GALNT13: variants seen among roughly 807,000 people sequenced by gnomAD.
The protein encoded by GALNT13 is polypeptide N-acetylgalactosaminyltransferase 13, also known as UDP-GalNAc:polypeptide N-acetylgalactosaminyltransferase 13.
Under a neutral mutation model 64.2 loss-of-function variants are expected in GALNT13, and 28 were observed. That is an observed-to-expected ratio of 0.44 (90% confidence interval 0.32 to 0.60). The LOEUF (loss-of-function observed/expected upper bound fraction) is 0.60. Ranked by LOEUF, GALNT13 falls within the 20% of genes least tolerant of loss-of-function variation. The probability of loss-of-function intolerance (pLI) is 0.05; values close to 1 mark genes in which losing one functional copy is unlikely to be tolerated. For synonymous variants in GALNT13, 214 were observed against 224.6 expected, an observed-to-expected ratio of 0.95 and a Z score of 0.42; for missense variants, 577 against 669.8, an observed-to-expected ratio of 0.86 and a Z score of 1.53.
chr2:153,140,794 A>G, the GALNT13 span, among the ~76,000 whole-genome samples: 1 of 152,114 alleles, frequency 6.6e-6, no homozygotes, highest in Admixed American at 6.6e-5. Flanking sequence ...CACCGAAAGA[A>G]AACAGAAAGG....
At chr2:153,899,444 G>A (rs907709874) in intron 1 of GALNT13, among the ~76,000 whole-genome samples, 5 of 152,088 alleles carry the variant, frequency 3.3e-5, no homozygotes, top group Non-Finnish European at 5.9e-5. Flanking sequence ...TATGTTTTAA[G>A]TTTTAAACTT....
intron 3 of GALNT13, among the ~76,000 whole-genome samples, chr2:153,954,257 A>G (rs1692410405): frequency 1.3e-5 from 2 of 152,202 alleles, no homozygotes; most frequent in South Asian, 4.1e-4. Context: ...ATGATTGATT[A>G]AAATGCATTG....
intron 2 of GALNT13, among the ~76,000 whole-genome samples, chr2:153,927,370 T>C (rs969360796): frequency 2.0e-5 from 3 of 152,034 alleles, no homozygotes; most frequent in African/African-American, 7.2e-5. Context: ...TGTTTACAGG[T>C]TGGCTTTTCA....
At chr2:153,878,478 T>G (rs1303467879) in intron 1 of GALNT13, among the ~76,000 whole-genome samples, 1 of 152,224 alleles carries the variant, frequency 6.6e-6, no homozygotes, top group Non-Finnish European at 1.5e-5. Context: ...CTTCCTAGTT[T>G]CAAATAAAAT....
the GALNT13 span, among the ~76,000 whole-genome samples, chr2:153,661,008 A>G: frequency 6.6e-6 from 1 of 152,064 alleles, no homozygotes; most frequent in African/African-American, 2.4e-5. Context: ...GATATAATCT[A>G]CCAGGATAGG....
chr2:153,935,686 G>A (rs1350491117), intron 2 of GALNT13, among the ~76,000 whole-genome samples: 2 of 152,190 alleles, frequency 1.3e-5, no homozygotes, highest in Non-Finnish European at 2.9e-5. Flanking sequence ...CATAGCACTT[G>A]GAAGAGATGA....
At chr2:154,011,147 G>GT (rs1696609623) in intron 3 of GALNT13, among the ~76,000 whole-genome samples, 1 of 151,758 alleles carries the variant, frequency 6.6e-6, no homozygotes, top group African/African-American at 2.4e-5. Context: ...TTTTGGGTTG[G>GT]TTTGCTGTTG....
chr2:153,734,407 G>A, the GALNT13 span, among the ~76,000 whole-genome samples: 1 of 152,114 alleles, frequency 6.6e-6, no homozygotes, highest in Admixed American at 6.6e-5. Context: ...ACACAGATCT[G>A]ATAAGTCTAA....
chr2:153,826,394 G>A, the GALNT13 span, among the ~76,000 whole-genome samples: 2 of 152,176 alleles, frequency 1.3e-5, no homozygotes, highest in African/African-American at 4.8e-5. Context: ...CATCTTGAGT[G>A]CCTCACCTCT....
intron 4 of GALNT13, among the ~76,000 whole-genome samples, chr2:154,225,501 T>C (rs1323042517): frequency 1.3e-5 from 2 of 152,048 alleles, no homozygotes; most frequent in African/African-American, 4.8e-5. Flanking sequence ...TCTAGGAATT[T>C]ACCCTCAAGA....
rs1176473961 is a variant in GALNT13, at chr2:153,884,827, ATG to A, written c.-177+12540_-177+12541del. The stretch of plus-strand genomic sequence containing the variant: ...TATATGTGTGTGTGTGTGTATATAT[ATG>A]TGTGTGTGTGTGTGTATATATGTAT... On this transcript the variant is annotated intron_variant, in intron 1 of 12. Coordinates refer to ENST00000392825, the MANE Select transcript of GALNT13 (RefSeq NM_052917.4). Among the ~76,000 whole-genome samples the A allele has an allele frequency of 2.9e-3, 329 of 111,868 alleles. 2 individuals carry two copies. Among genetic ancestry groups the A allele is most frequent in the African/African-American group, 0.01 (270 of 26,136 alleles). The allele number at this position is 111,868 out of a possible 152,430, so 73.4% of individuals were successfully genotyped here.
At chr2:154,129,998 T>A (rs540945035) in intron 3 of GALNT13, among the ~76,000 whole-genome samples, 2 of 152,300 alleles carry the variant, frequency 1.3e-5, no homozygotes, top group Non-Finnish European at 2.9e-5. Flanking sequence ...AATTTCTGCC[T>A]GATGGAACGA....
the GALNT13 span, among the ~76,000 whole-genome samples, chr2:153,731,074 G>A: frequency 6.6e-6 from 1 of 150,860 alleles, no homozygotes. Flanking sequence ...ATATATATAT[G>A]TGTGTGTGTG....
intron 12 of GALNT13, among the ~76,000 whole-genome samples, chr2:154,443,738 A>G (rs1701421919): frequency 6.6e-6 from 1 of 152,088 alleles, no homozygotes; most frequent in African/African-American, 2.4e-5. Flanking sequence ...TTGGAAGGGT[A>G]AAGTTAGAGA....
the GALNT13 span, among the ~76,000 whole-genome samples, chr2:153,289,240 C>T: frequency 6.6e-6 from 1 of 152,198 alleles, no homozygotes; most frequent in Non-Finnish European, 1.5e-5. Context: ...GGAGAGACAG[C>T]AGAGGGGATC....
At chr2:154,311,893 C>T (rs1559084081) in intron 9 of GALNT13, among the ~76,000 whole-genome samples, 1 of 152,174 alleles carries the variant, frequency 6.6e-6, no homozygotes, top group Non-Finnish European at 1.5e-5. Context: ...TCTGTTCTGC[C>T]GGGCTCACCA....
chr2:153,719,353 T>C, the GALNT13 span, among the ~76,000 whole-genome samples: 1 of 152,198 alleles, frequency 6.6e-6, no homozygotes, highest in African/African-American at 2.4e-5. Flanking sequence ...AGGGCTACAT[T>C]GACACTGACT....
chr2:154,172,326 G>T (rs1470830328), intron 4 of GALNT13, among the ~76,000 whole-genome samples: 1 of 151,742 alleles, frequency 6.6e-6, no homozygotes, highest in Non-Finnish European at 1.5e-5. Flanking sequence ...TAGCTATTTT[G>T]AAATCTACTA....
chr2:153,788,311 A>G, the GALNT13 span, among the ~76,000 whole-genome samples: 5 of 152,194 alleles, frequency 3.3e-5, no homozygotes. Flanking sequence ...AAAGAAAAGT[A>G]ACTCCAACCA....
Sources: gnomAD v4.1 joint callset for allele counts (sites outside exome capture counted in the v4.1 genomes callset) on GRCh38, gnomAD v4.1.1 for gene constraint, MANE v1.5 for transcripts, NCBI Gene and HGNC (gene_info 2026-07-23, HGNC 2026-07-21) for gene names.